ARL15: variants seen among roughly 807,000 people sequenced by gnomAD.
ARL15 encodes ARF like GTPase 15, also known as ADP-ribosylation factor-like protein 15.
In ARL15, 19 loss-of-function variants were observed where a neutral mutation model predicts 25.2. That is an observed-to-expected ratio of 0.75 (90% confidence interval 0.53 to 1.10). The LOEUF is 1.10. Among genes scored for constraint, ARL15 ranks in the 50% least tolerant of loss-of-function variants. ARL15 has a pLI of 0.00. For missense variants in ARL15, 220 were observed against 246.0 expected (o/e 0.89, Z 0.71); for synonymous variants, 94 against 86.8 (o/e 1.08, Z -0.46).
chr5:54,272,550 A>G (rs1236170410), intron 1 of ARL15, among the ~76,000 whole-genome samples: 1 of 152,174 alleles, frequency 6.6e-6, no homozygotes. Flanking sequence ...TGCAAAATTC[A>G]AAGTATTTTA....
intron 4 of ARL15, among the ~76,000 whole-genome samples, chr5:53,974,671 CAAAAT>C (rs1399048445): frequency 5.3e-5 from 8 of 152,126 alleles, no homozygotes; most frequent in Non-Finnish European, 1.5e-5. Context: ...TAATAGTTAA[CAAAAT>C]AAAGAACAAA....
intron 1 of ARL15, among the ~76,000 whole-genome samples, chr5:54,247,182 C>T (rs1408945898): frequency 6.6e-6 from 1 of 151,010 alleles, no homozygotes; most frequent in African/African-American, 2.4e-5. Context: ...TGAATAATTT[C>T]CTATTAAAAG....
chr5:54,163,397 A>C (rs1190117966), intron 2 of ARL15, among the ~76,000 whole-genome samples: 2 of 32,928 alleles, frequency 6.1e-5, no homozygotes, highest in Non-Finnish European at 1.1e-4. Flanking sequence ...TTTTTTTTGT[A>C]ATGTCTCTGT....
intron 4 of ARL15, among the ~76,000 whole-genome samples, chr5:53,911,149 A>C (rs959277229): frequency 6.1e-4 from 93 of 152,114 alleles, no homozygotes; most frequent in African/African-American, 2.1e-3. Flanking sequence ...TTTACCATGG[A>C]GTGTGGACTC....
At chr5:54,006,797 T>C (rs1221905096) in intron 4 of ARL15, among the ~76,000 whole-genome samples, 1 of 151,992 alleles carries the variant, frequency 6.6e-6, no homozygotes, top group Non-Finnish European at 1.5e-5. Flanking sequence ...CATGTGAAGG[T>C]TAGGTAAAAC....
intron 4 of ARL15, among the ~76,000 whole-genome samples, chr5:53,964,841 G>A (rs1328663524): frequency 6.6e-6 from 1 of 152,164 alleles, no homozygotes; most frequent in Non-Finnish European, 1.5e-5. Flanking sequence ...AACTGGCTGA[G>A]GAGTACCTTG....
intron 4 of ARL15, among the ~76,000 whole-genome samples, chr5:53,901,569 T>C (rs539700286): frequency 6.6e-6 from 1 of 151,284 alleles, no homozygotes; most frequent in East Asian, 2.0e-4. Context: ...GTTGTTTAAA[T>C]GGCTTGCTTA....
At chr5:54,104,649 CT>C in intron 4 of ARL15, among the ~76,000 whole-genome samples, 1 of 152,132 alleles carries the variant, frequency 6.6e-6, no homozygotes, top group Non-Finnish European at 1.5e-5. Context: ...ATGCCCTATT[CT>C]TTTTTAACAT....
At chr5:54,265,852 CACTT>C (rs758163280) in intron 1 of ARL15, among the ~76,000 whole-genome samples, 5 of 152,162 alleles carry the variant, frequency 3.3e-5, no homozygotes, top group Admixed American at 6.5e-5. Flanking sequence ...TGATGGCTGA[CACTT>C]ACGAAGCAGT....
chr5:54,240,205 C>T (rs1220998813), intron 1 of ARL15, among the ~76,000 whole-genome samples: 1 of 146,770 alleles, frequency 6.8e-6, no homozygotes, highest in South Asian at 2.2e-4. Flanking sequence ...CTAGCCTGGG[C>T]GACAGAGCGA....
intron 4 of ARL15, among the ~76,000 whole-genome samples, chr5:54,068,739 C>T (rs929051118): frequency 6.6e-6 from 1 of 152,310 alleles, no homozygotes; most frequent in South Asian, 2.1e-4. Context: ...GTCATGCCAT[C>T]TCAATGTAAT....
chr5:54,115,268 C>T (rs1752863524), intron 3 of ARL15, among the ~76,000 whole-genome samples: 1 of 152,092 alleles, frequency 6.6e-6, no homozygotes, highest in African/African-American at 2.4e-5. Context: ...TCATTAGGTC[C>T]TCTGGGATCA....
intron 4 of ARL15, chr5:53,887,304 A>G: frequency 1.5e-6 from 1 of 689,298 alleles, no homozygotes; most frequent in East Asian, 2.7e-5. Context: ...GTATGTTTGT[A>G]TGCATATACA....
At position 54,297,180 on chromosome 5, in the gene ARL15, G is replaced by C. The variant is rs142207217; in HGVS notation, c.48+13252C>G. On this transcript the variant is annotated intron_variant, in intron 1 of 4. Coordinates refer to ENST00000504924, the MANE Select transcript of ARL15 (RefSeq NM_019087.3). Reference sequence around the variant, plus strand: ...ACTAAGAGGGGTTGCACTACCAGGGGAGTTCTAGTTCCTGATGAATGGGCA... The same window carrying C: ...ACTAAGAGGGGTTGCACTACCAGGGCAGTTCTAGTTCCTGATGAATGGGCA... Among the ~76,000 whole-genome samples, 308 of 152,328 alleles carry C rather than the reference G, an allele frequency of 2.0e-3. 2 individuals are homozygous for C. The highest frequency in any genetic ancestry group is 7.0e-3 in the African/African-American group (290 of 41,568).
chr5:54,021,962 C>T (rs992330103), intron 4 of ARL15, among the ~76,000 whole-genome samples: 4 of 152,092 alleles, frequency 2.6e-5, no homozygotes, highest in African/African-American at 7.2e-5. Flanking sequence ...CCAGAAACCA[C>T]GGAAGCCAGA....
At chr5:53,996,937 G>A (rs1404433155) in intron 4 of ARL15, among the ~76,000 whole-genome samples, 2 of 152,214 alleles carry the variant, frequency 1.3e-5, no homozygotes, top group East Asian at 3.9e-4. Flanking sequence ...TATTTTTACA[G>A]ATGGGAAGAA....
chr5:54,224,733 A>T (rs563454946), intron 1 of ARL15, among the ~76,000 whole-genome samples: 2 of 152,156 alleles, frequency 1.3e-5, no homozygotes, highest in Non-Finnish European at 2.9e-5. Flanking sequence ...ACTTTATAAC[A>T]AACTTTTATT....
chr5:54,257,525 G>A (rs1229037597), intron 1 of ARL15, among the ~76,000 whole-genome samples: 3 of 152,192 alleles, frequency 2.0e-5, no homozygotes, highest in Non-Finnish European at 4.4e-5. Context: ...AGTCGTGCTT[G>A]TAGGCTCTGG....
At chr5:53,930,802 G>A (rs1161786604) in intron 4 of ARL15, among the ~76,000 whole-genome samples, 3 of 152,098 alleles carry the variant, frequency 2.0e-5, no homozygotes, top group Non-Finnish European at 4.4e-5. Context: ...GGTCGGTAGA[G>A]GGAATTAAGC....
Sources: gnomAD v4.1 joint callset for allele counts (sites outside exome capture counted in the v4.1 genomes callset) on GRCh38, gnomAD v4.1.1 for gene constraint, MANE v1.5 for transcripts, NCBI Gene and HGNC (gene_info 2026-07-23, HGNC 2026-07-21) for gene names.